GRM4: variants seen among roughly 807,000 people sequenced by gnomAD.
GRM4 encodes glutamate metabotropic receptor 4.
In GRM4, 28 loss-of-function variants were observed where a neutral mutation model predicts 81.7. That is an observed-to-expected ratio of 0.34 (90% confidence interval 0.25 to 0.47). The LOEUF is 0.47. Among genes scored for constraint, GRM4 ranks in the 20% least tolerant of loss-of-function variants. The pLI is 1.00. For missense variants in GRM4, 948 were observed against 1,290.0 expected (o/e 0.73, Z 4.06); for synonymous variants, 488 against 528.8 (o/e 0.92, Z 1.06).
chr6:34,100,401 G>A (rs1293712675), intron 2 of GRM4, among the ~76,000 whole-genome samples: 1 of 152,208 alleles, frequency 6.6e-6, no homozygotes, highest in Non-Finnish European at 1.5e-5. Context: ...GCATGTCAGA[G>A]TGTCCTAGGC....
At chr6:34,150,663 T>C (rs1304832559), upstream of GRM4, among the ~76,000 whole-genome samples, 3 of 152,054 alleles carry the variant, frequency 2.0e-5, no homozygotes, top group East Asian at 1.9e-4. Flanking sequence ...ACCTGAGAGA[T>C]GATGCTTCCA....
chr6:34,117,910 G>A (rs937031), intron 2 of GRM4, among the ~76,000 whole-genome samples: 10,983 of 152,194 alleles, frequency 0.072, 729 homozygotes, highest in African/African-American at 0.17. Context: ...AGCCACCAGC[G>A]AGACATAGTA....
chr6:34,032,215 C>G (rs116206961), intron 9 of GRM4, among the ~76,000 whole-genome samples: 1,754 of 152,228 alleles, frequency 0.012, 16 homozygotes, highest in East Asian at 0.023. Flanking sequence ...CCCGCTTAAT[C>G]TGCATGCACA....
chr6:34,098,045 G>A (rs780664342), intron 2 of GRM4, among the ~76,000 whole-genome samples: 1 of 152,188 alleles, frequency 6.6e-6, no homozygotes, highest in Non-Finnish European at 1.5e-5. Context: ...ACCCAGCTTC[G>A]CTATCCAACT....
rs1276268195 is a variant in GRM4 at position 34,130,710 on chromosome 6, C to T, written c.519+2268G>A. Reference sequence around the variant, plus strand: ...TCGCCATGTACCAAGTGATGGGGCACTCTCAGCTCCTTTGGGCCTCTCCAC... The same window carrying T: ...TCGCCATGTACCAAGTGATGGGGCATTCTCAGCTCCTTTGGGCCTCTCCAC... On this transcript the variant is annotated intron_variant, in intron 2 of 10. Coordinates refer to ENST00000538487, the MANE Select transcript of GRM4 (RefSeq NM_000841.4). This position sits in a 1 kb window ranked among gnomAD's most constrained non-coding sequence, Gnocchi z 4.1. Among the ~76,000 whole-genome samples, 2 of 152,234 alleles carry T rather than the reference C, an allele frequency of 1.3e-5. No homozygotes were observed. The highest frequency in any genetic ancestry group is 2.4e-5 in the African/African-American group (1 of 41,454).
At chr6:34,083,878 G>A (rs1218448148) in intron 3 of GRM4, among the ~76,000 whole-genome samples, 1 of 152,178 alleles carries the variant, frequency 6.6e-6, no homozygotes, top group Non-Finnish European at 1.5e-5. Flanking sequence ...CTGATGAGGT[G>A]GGAGGGTTGC....
rs985598544 is a variant in GRM4 at position 34,036,988 on chromosome 6, A to G, written c.1507-385T>C. Among the ~76,000 whole-genome samples, 4 of 152,222 alleles carry G rather than the reference A, an allele frequency of 2.6e-5. No individual in the cohort carries two copies. The highest frequency in any genetic ancestry group is 1.3e-4 in the Admixed American group (2 of 15,280). ...TGCTCACAGTGGTCCCCAGGGCGGC[A>G]GCAGCAGCCTCACCCAGGAGCTTGT... On this transcript the variant is annotated intron_variant, in intron 8 of 10. Coordinates refer to ENST00000538487, the MANE Select transcript of GRM4 (RefSeq NM_000841.4). This position sits in a 1 kb window ranked among gnomAD's most constrained non-coding sequence, Gnocchi z 9.0.
chr6:34,029,301 C>T (rs1418996725), intron 9 of GRM4, among the ~76,000 whole-genome samples: 1 of 152,176 alleles, frequency 6.6e-6, no homozygotes, highest in Non-Finnish European at 1.5e-5. Context: ...GGCTGGTGTG[C>T]TTCCTCCAGG....
At chr6:34,145,709 C>A (rs932621256) in intron 1 of GRM4, among the ~76,000 whole-genome samples, 43 of 152,322 alleles carry the variant, frequency 2.8e-4, no homozygotes, top group African/African-American at 9.9e-4. Context: ...CCGCTTGCCC[C>A]GGCGCCCACA....
chr6:34,115,249 CGTGT>C lies in GRM4; in HGVS notation c.519+17725_519+17728del, dbSNP rs36116680. Among the ~76,000 whole-genome samples, 1 of 151,246 alleles carries C rather than the reference CGTGT, an allele frequency of 6.6e-6. No homozygotes were observed. The highest frequency in any genetic ancestry group is 2.4e-5 in the African/African-American group (1 of 41,298). On this transcript the variant is annotated intron_variant, in intron 2 of 10. Coordinates refer to ENST00000538487, the MANE Select transcript of GRM4 (RefSeq NM_000841.4). This position sits in a 1 kb window ranked among gnomAD's most constrained non-coding sequence, Gnocchi z 4.1. ...GCATGTGTGCGTGCGTGCGTGTATG[CGTGT>C]GTGTGTGTGTGCATGCGTGTGGCCA...
At chr6:34,052,712 T>A (rs1765676299) in intron 6 of GRM4, among the ~76,000 whole-genome samples, 1 of 151,868 alleles carries the variant, frequency 6.6e-6, no homozygotes, top group Non-Finnish European at 1.5e-5. Flanking sequence ...CCACAGAGCA[T>A]GCCTGGGCTG....
At chr6:34,128,313 T>C (rs568435919) in intron 2 of GRM4, among the ~76,000 whole-genome samples, 2 of 151,916 alleles carry the variant, frequency 1.3e-5, no homozygotes, top group African/African-American at 4.8e-5. Flanking sequence ...ACATTTCCTG[T>C]GGGCTGACTG....
At chr6:34,051,468 C>T (rs1765605507) in intron 6 of GRM4, among the ~76,000 whole-genome samples, 1 of 152,200 alleles carries the variant, frequency 6.6e-6, no homozygotes, top group African/African-American at 2.4e-5. Context: ...TCTCTGAGCT[C>T]CCAGCCCCTG....
At position 34,133,551 on chromosome 6, in the gene GRM4, C is replaced by T. The variant is rs540222289; in HGVS notation, c.-55G>A. 1.3e-6 allele frequency: 2 copies of T among 1,500,944 alleles called. No individual in the cohort carries two copies. The highest frequency in any genetic ancestry group is 2.3e-5 in the East Asian group (1 of 43,856). 93.0% of individuals were successfully genotyped at this position (1,500,944 alleles called of 1,614,324 possible). ...CAGGCCCACTCCTAGCCCTGGCAGGCCCCTGGCCCCACGGCCTGGGTGGGC... is the reference window on the plus strand; with the variant it reads ...CAGGCCCACTCCTAGCCCTGGCAGGTCCCTGGCCCCACGGCCTGGGTGGGC... On this transcript the variant is annotated 5_prime_UTR_variant, in exon 2 of 11. Coordinates refer to ENST00000538487, the MANE Select transcript of GRM4 (RefSeq NM_000841.4). The surrounding 1 kb of genome is among the most constrained non-coding windows in gnomAD (Gnocchi z 6.5).
intron 1 of GRM4, chr6:34,154,950 T>G: frequency 1.4e-6 from 1 of 714,882 alleles, no homozygotes; most frequent in African/African-American, 1.9e-5. Context: ...AACGCCCTCA[T>G]TGCACCCAGC....
intron 2 of GRM4, among the ~76,000 whole-genome samples, chr6:34,100,279 G>A (rs1768765152): frequency 6.6e-6 from 1 of 152,166 alleles, no homozygotes; most frequent in Non-Finnish European, 1.5e-5. Flanking sequence ...TCTGGAGATG[G>A]ACCTCCCCTC....
At chr6:34,073,357 C>G (rs979388602) in intron 3 of GRM4, among the ~76,000 whole-genome samples, 2 of 136,522 alleles carry the variant, frequency 1.5e-5, no homozygotes, top group Non-Finnish European at 3.2e-5. Flanking sequence ...AGATTCACAC[C>G]CCCACACAGA....
chr6:34,151,571 AG>A (rs1180610702), intron 1 of GRM4, among the ~76,000 whole-genome samples: 1 of 152,026 alleles, frequency 6.6e-6, no homozygotes, highest in East Asian at 1.9e-4. Context: ...TCCGGGCGCC[AG>A]GGGGAGCAGC....
rs189934816 is a variant in GRM4, at chr6:34,132,404, G to A, written c.519+574C>T. ...GGACACATTCTCCAACCATAATCTC[G>A]GGTAGGGCAGGAGGGCCACAGGGAG... On this transcript the variant is annotated intron_variant, in intron 2 of 10. Transcript: ENST00000538487. Among the ~76,000 whole-genome samples, 7 of 152,250 alleles carry A rather than the reference G, an allele frequency of 4.6e-5. No homozygotes were observed. In the East Asian group the frequency reaches 5.8e-4, roughly 13 times the overall value.
Sources: gnomAD v4.1 joint callset for allele counts (sites outside exome capture counted in the v4.1 genomes callset) on GRCh38, gnomAD v4.1.1 for gene constraint, Gnocchi (gnomAD v3.1) non-coding constraint, MANE v1.5 for transcripts, NCBI Gene and HGNC (gene_info 2026-07-23, HGNC 2026-07-21) for gene names.